The following UGGT2 variants were observed in gnomAD, a reference collection of about 807,000 sequenced individuals.
UGGT2 encodes the protein UDP-glucose glycoprotein glucosyltransferase 2.
In UGGT2, 180 loss-of-function variants were observed where a neutral mutation model predicts 192.1. The observed-to-expected ratio is 0.94, with a 90% confidence interval of 0.83 to 1.06. The LOEUF (loss-of-function observed/expected upper bound fraction) is 1.06, where lower values mean the gene tolerates loss of function less well. Ranked by LOEUF, UGGT2 falls within the 50% of genes least tolerant of loss-of-function variation. The pLI is 0.00. For synonymous variants in UGGT2, 580 were observed against 591.0 expected (o/e 0.98, Z 0.27); for missense variants, 1,849 against 1,795.7 (o/e 1.03, Z -0.54).
chr13:95,917,142 C>T (rs1036757594), intron 20 of UGGT2, among the ~76,000 whole-genome samples: 9 of 152,208 alleles, frequency 5.9e-5, no homozygotes, highest in East Asian at 1.9e-4. Context: ...TAGGGGGCAG[C>T]CAGACAGAAA....
intron 12 of UGGT2, among the ~76,000 whole-genome samples, chr13:95,959,985 G>A (rs1009609645): frequency 6.6e-6 from 1 of 152,144 alleles, no homozygotes; most frequent in South Asian, 2.1e-4. Flanking sequence ...CTAGCAAACA[G>A]AGACACCACT....
chr13:95,833,229 A>G (rs76734489), intron 37 of UGGT2, among the ~76,000 whole-genome samples, 176 bp from the exon 38 acceptor site: 244 of 152,314 alleles, frequency 1.6e-3, no homozygotes, highest in African/African-American at 5.4e-3. Flanking sequence ...TATGTATGTA[A>G]TAATTGCTTA....
intron 30 of UGGT2, 75 bp downstream of exon 30, chr13:95,867,264 C>A: frequency 3.2e-6 from 4 of 1,233,530 alleles, no homozygotes; most frequent in South Asian, 2.9e-5. Flanking sequence ...TAAAATAAAT[C>A]AATTAATTAA....
intron 1 of UGGT2, among the ~76,000 whole-genome samples, chr13:96,051,690 A>G (rs1396647121): frequency 1.3e-5 from 2 of 152,144 alleles, no homozygotes; most frequent in Non-Finnish European, 2.9e-5. Flanking sequence ...TGAATAGACA[A>G]TTCTCAAAAG....
chr13:95,974,567 AGAGAG>A (rs2050877255), intron 10 of UGGT2, among the ~76,000 whole-genome samples: 1 of 152,228 alleles, frequency 6.6e-6, no homozygotes, highest in South Asian at 2.1e-4. Flanking sequence ...AAACACTGTC[AGAGAG>A]AAGAGGTTTG....
At chr13:95,834,536 C>T (rs1056381361) in intron 37 of UGGT2, among the ~76,000 whole-genome samples, 2 of 152,130 alleles carry the variant, frequency 1.3e-5, no homozygotes, top group African/African-American at 4.8e-5. Context: ...TTCATTCCCA[C>T]CTTCAATATT....
intron 38 of UGGT2, among the ~76,000 whole-genome samples, chr13:95,817,664 A>C (rs192322495): frequency 2.6e-5 from 4 of 152,344 alleles, no homozygotes; most frequent in Non-Finnish European, 5.9e-5. Context: ...GTTGAAAATA[A>C]AAGGCTGAAG....
intron 30 of UGGT2, 27 bp downstream of exon 30, chr13:95,867,312 C>A (rs1278675668): frequency 6.5e-7 from 1 of 1,537,024 alleles, no homozygotes; most frequent in Non-Finnish European, 8.9e-7. Context: ...AAGAACAAAG[C>A]CTATAAAAAG....
chr13:96,022,943 TCTTA>T (rs2052558251), intron 4 of UGGT2, 93 bp downstream of exon 4: 2 of 727,608 alleles, frequency 2.7e-6, no homozygotes, highest in Non-Finnish European at 4.0e-6. Flanking sequence ...ATATACAATG[TCTTA>T]GAATATTAAA....
chr13:95,842,933 A>C (rs117682986), intron 36 of UGGT2, among the ~76,000 whole-genome samples: 3,407 of 152,336 alleles, frequency 0.022, 50 homozygotes, highest in Non-Finnish European at 0.036. Context: ...ACACTGAGCT[A>C]GGTCAGACTA....
chr13:95,868,159 T>A lies in UGGT2; in HGVS notation c.3474-736A>T, dbSNP rs193055666. Among the ~76,000 whole-genome samples the A allele has an allele frequency of 2.0e-5, 3 of 152,314 alleles. No homozygotes were observed. In the East Asian group the frequency reaches 5.8e-4, roughly 29 times the overall value. ...GAGTTGTTATATATAATACATACTT[T>A]TAACATTTTTCCAAAATGAACACCT... On this transcript the variant is annotated intron_variant, in intron 29 of 38. Coordinates refer to ENST00000376747, the MANE Select transcript of UGGT2 (RefSeq NM_020121.4).
At chr13:96,029,495 AG>A (rs1395184922) in intron 2 of UGGT2, among the ~76,000 whole-genome samples, 3 of 152,064 alleles carry the variant, frequency 2.0e-5, no homozygotes, top group Non-Finnish European at 4.4e-5. Context: ...AATGTTGGCC[AG>A]GCTGGTCTCG....
At chr13:95,931,612 G>T (rs562288717) in intron 17 of UGGT2, among the ~76,000 whole-genome samples, 1 of 152,230 alleles carries the variant, frequency 6.6e-6, no homozygotes, top group South Asian at 2.1e-4. Flanking sequence ...CCTGACCCAG[G>T]GGGAGGCAGA....
chr13:95,863,902 CTT>C (rs1890396750), intron 30 of UGGT2, among the ~76,000 whole-genome samples, 188 bp from the exon 31 acceptor site: 1 of 152,160 alleles, frequency 6.6e-6, no homozygotes, highest in Non-Finnish European at 1.5e-5. Flanking sequence ...AATTCAACCT[CTT>C]TGTTCAGTTT....
At chr13:95,970,051 T>C (rs2050721089) in intron 12 of UGGT2, 61 bp downstream of exon 12, 3 of 1,497,606 alleles carry the variant, frequency 2.0e-6, no homozygotes, top group Non-Finnish European at 1.8e-6. Flanking sequence ...CGATACTTCA[T>C]TTTATGTTAA....
rs544956209 is a variant in UGGT2, at chr13:95,998,138, T to C, written c.757+1073A>G. Among the ~76,000 whole-genome samples, 15 of 151,876 alleles carry C rather than the reference T, an allele frequency of 9.9e-5. No individual in the cohort carries two copies. The South Asian group carries it at 3.1e-3, about 32-fold the overall frequency. Reference sequence around the variant, plus strand: ...ACATGTATACAGAGAAAAAAAGAACTGCACTAAGGAGTGGCAACTAGAATT... The same window carrying C: ...ACATGTATACAGAGAAAAAAAGAACCGCACTAAGGAGTGGCAACTAGAATT... On this transcript the variant is annotated intron_variant, in intron 6 of 38. Coordinates refer to ENST00000376747, the MANE Select transcript of UGGT2 (RefSeq NM_020121.4).
rs2051734569 is a variant in UGGT2, at chr13:95,999,615, A to C, written c.661-308T>G. Among the ~76,000 whole-genome samples, 4 of 152,202 alleles carry C rather than the reference A, an allele frequency of 2.6e-5. No homozygotes were observed. In the South Asian group the frequency reaches 8.3e-4, roughly 32 times the overall value. On this transcript the variant is annotated intron_variant, in intron 5 of 38. Transcript: ENST00000376747. ...CATGTCTTCAATGAGTTAATTAAAC[A>C]GAGGATCCAATAACAGACAAGTTTC...
At chr13:95,830,574 A>T (rs1047634592) in intron 38 of UGGT2, among the ~76,000 whole-genome samples, 17 of 152,218 alleles carry the variant, frequency 1.1e-4, no homozygotes, top group African/African-American at 4.1e-4. Context: ...CAAAACCACA[A>T]TGAGATACTG....
intron 17 of UGGT2, among the ~76,000 whole-genome samples, chr13:95,930,951 C>G (rs2049237055): frequency 1.3e-5 from 2 of 152,150 alleles, no homozygotes; most frequent in Admixed American, 1.3e-4. Context: ...AGATTTACTG[C>G]AAAGAGCAAA....
Sources: gnomAD v4.1 joint callset for allele counts (sites outside exome capture counted in the v4.1 genomes callset) on GRCh38, gnomAD v4.1.1 for gene constraint, MANE v1.5 for transcripts, NCBI Gene and HGNC (gene_info 2026-07-23, HGNC 2026-07-21) for gene names.